SNTG1: variants seen among roughly 807,000 people sequenced by gnomAD.
SNTG1 encodes the protein syntrophin gamma 1.
In SNTG1, 39 loss-of-function variants were observed where a neutral mutation model predicts 74.7. The observed-to-expected ratio is 0.52, with a 90% CI of 0.40 to 0.68. The LOEUF (loss-of-function observed/expected upper bound fraction) is 0.68. Among genes scored for constraint, SNTG1 ranks in the 30% least tolerant of loss-of-function variants. SNTG1 has a pLI of 0.00. For synonymous variants in SNTG1, 254 were observed against 217.1 expected (o/e 1.17, Z -1.49); for missense variants, 685 against 609.5 (o/e 1.12, Z -1.30).
At chr8:50,333,661 C>T (rs999531838) in intron 2 of SNTG1, among the ~76,000 whole-genome samples, 5 of 152,178 alleles carry the variant, frequency 3.3e-5, no homozygotes, top group Non-Finnish European at 7.4e-5. Context: ...AAACTTCTCT[C>T]GCTTGAGTTC....
chr8:50,235,598 T>C (rs1343390859), intron 2 of SNTG1, among the ~76,000 whole-genome samples: 1 of 152,104 alleles, frequency 6.6e-6, no homozygotes, highest in Non-Finnish European at 1.5e-5. Flanking sequence ...AAAATAAATA[T>C]CAAGGTCAAC....
chr8:49,991,551 G>T (rs117923922), intron 1 of SNTG1, among the ~76,000 whole-genome samples: 1,768 of 152,148 alleles, frequency 0.012, 21 homozygotes, highest in Non-Finnish European at 0.018. Flanking sequence ...CTGATAAAGA[G>T]ATAAACAAAA....
At chr8:50,616,448 T>C (rs2094885949) in intron 13 of SNTG1, among the ~76,000 whole-genome samples, 1 of 151,890 alleles carries the variant, frequency 6.6e-6, no homozygotes, top group African/African-American at 2.4e-5. Flanking sequence ...TCTGAAAATG[T>C]GGAAAAAAGC....
At chr8:50,652,800 CAAT>C (rs1349982867) in intron 13 of SNTG1, among the ~76,000 whole-genome samples, 1 of 151,118 alleles carries the variant, frequency 6.6e-6, no homozygotes, top group African/African-American at 2.4e-5. Context: ...GTCTCAAAAA[CAAT>C]AATAAGTAAA....
At chr8:50,679,842 G>A (rs1293951102) in intron 15 of SNTG1, among the ~76,000 whole-genome samples, 1 of 152,074 alleles carries the variant, frequency 6.6e-6, no homozygotes, top group Non-Finnish European at 1.5e-5. Flanking sequence ...GCTTTTCTCT[G>A]GGCATGGTAT....
chr8:50,603,803 C>T (rs190188791), intron 13 of SNTG1, among the ~76,000 whole-genome samples: 11 of 152,260 alleles, frequency 7.2e-5, no homozygotes, highest in Non-Finnish European at 1.6e-4. Context: ...GTTCTCTTCT[C>T]TTACTTTTTT....
At chr8:50,519,629 C>T (rs547215318) in intron 9 of SNTG1, among the ~76,000 whole-genome samples, 10 of 152,194 alleles carry the variant, frequency 6.6e-5, no homozygotes, top group Admixed American at 3.3e-4. Context: ...AATCAATGGG[C>T]AAAAATCACA....
chr8:50,114,186 A>G (rs778543970), intron 1 of SNTG1, among the ~76,000 whole-genome samples: 17 of 152,152 alleles, frequency 1.1e-4, no homozygotes, highest in Non-Finnish European at 1.8e-4. Flanking sequence ...CTAGAAAATC[A>G]AAGGTGCAAC....
intron 8 of SNTG1, among the ~76,000 whole-genome samples, chr8:50,493,359 C>T (rs1272136137): frequency 1.3e-5 from 2 of 152,138 alleles, no homozygotes; most frequent in Non-Finnish European, 2.9e-5. Context: ...AGGCTGACTT[C>T]AAACCGTTTA....
At chr8:50,219,772 G>A (rs535202693) in intron 2 of SNTG1, among the ~76,000 whole-genome samples, 1 of 152,288 alleles carries the variant, frequency 6.6e-6, no homozygotes, top group Non-Finnish European at 1.5e-5. Context: ...AATTTGGCAT[G>A]AGATTTGGGT....
intron 1 of SNTG1, among the ~76,000 whole-genome samples, chr8:50,168,091 C>T (rs910831196): frequency 1.3e-5 from 2 of 151,802 alleles, no homozygotes; most frequent in African/African-American, 2.4e-5. Context: ...AATTACAATT[C>T]CTTTAATTTG....
At chr8:50,323,116 A>G (rs1403938041) in intron 2 of SNTG1, among the ~76,000 whole-genome samples, 1 of 152,032 alleles carries the variant, frequency 6.6e-6, no homozygotes, top group African/African-American at 2.4e-5. Flanking sequence ...GGAAAAAAAA[A>G]AAAAAAAGAT....
At chr8:50,113,476 A>G (rs981043724) in intron 1 of SNTG1, among the ~76,000 whole-genome samples, 12 of 152,034 alleles carry the variant, frequency 7.9e-5, no homozygotes, top group Non-Finnish European at 1.6e-4. Flanking sequence ...GCTTAAGGAG[A>G]TTTTGGGCTG....
rs1344088283 is a variant in SNTG1, at chr8:50,793,094, A to G, written c.*265A>G. On this transcript the variant is annotated 3_prime_UTR_variant, in exon 19 of 19. Transcript: ENST00000642720. ...TGTATTGCTTTCACCAAAAGTGGAG[A>G]CAAAAGAATAAATTATTTGAAGAAG... 6.6e-6 allele frequency: 2 copies of G among 300,906 alleles called. No homozygotes were observed. Among genetic ancestry groups the G allele is most frequent in the African/African-American group, 2.2e-5 (1 of 46,230 alleles). 18.6% of individuals were successfully genotyped at this position (300,906 alleles called of 1,614,324 possible).
chr8:50,751,650 G>T (rs1489541224), intron 17 of SNTG1, among the ~76,000 whole-genome samples: 5 of 152,016 alleles, frequency 3.3e-5, no homozygotes, highest in African/African-American at 9.7e-5. Context: ...GCTTCAAGAT[G>T]AAGTTCCAGA....
At chr8:50,501,282 G>T (rs1402045679) in intron 8 of SNTG1, among the ~76,000 whole-genome samples, 1 of 151,930 alleles carries the variant, frequency 6.6e-6, no homozygotes, top group Non-Finnish European at 1.5e-5. Flanking sequence ...CGGCCTCTGT[G>T]CTGTCCAGTG....
At chr8:50,259,354 C>A (rs1261566320) in intron 2 of SNTG1, among the ~76,000 whole-genome samples, 1 of 151,704 alleles carries the variant, frequency 6.6e-6, no homozygotes. Flanking sequence ...CAAAAATTAG[C>A]CAGGCATGTT....
chr8:50,557,732 T>C lies in SNTG1; in HGVS notation c.810+4553T>C, dbSNP rs771236992. Among the ~76,000 whole-genome samples, 5 of 152,222 alleles carry C rather than the reference T, an allele frequency of 3.3e-5. 1 individual carries two copies. Among genetic ancestry groups the C allele is most frequent in the Non-Finnish European group, 2.9e-5 (2 of 68,034 alleles). On this transcript the variant is annotated intron_variant, in intron 12 of 18. Transcript: ENST00000642720. ...AGATCTGCAAGGACCCTTTATCTGG[T>C]TCCAGGTTTTCCATGTGGATATTTT...
At chr8:50,653,810 T>C (rs1206980096) in intron 13 of SNTG1, among the ~76,000 whole-genome samples, 3 of 152,204 alleles carry the variant, frequency 2.0e-5, no homozygotes, top group Non-Finnish European at 4.4e-5. Context: ...ACTATTTTCA[T>C]AATAAAATGT....
Sources: allele counts gnomAD v4.1 joint callset (sites outside exome capture counted in the v4.1 genomes callset), GRCh38; gene constraint gnomAD v4.1.1; transcripts MANE v1.5; gene names NCBI Gene and HGNC (gene_info 2026-07-23, HGNC 2026-07-21).